Variants in HPCA observed in about 807,000 individuals in gnomAD.
The protein encoded by HPCA is neuron-specific calcium-binding protein hippocalcin.
In HPCA, 4 loss-of-function variants were observed where a neutral mutation model predicts 18.2. The ratio of observed to expected loss-of-function variants is 0.22; its 90% CI spans 0.11 to 0.50. The LOEUF (loss-of-function observed/expected upper bound fraction) is 0.50. HPCA is among the 20% of genes least tolerant of loss of function. HPCA has a pLI of 0.97. For synonymous variants in HPCA, 93 were observed against 103.5 expected, an observed-to-expected ratio of 0.90 and a Z score of 0.61; for missense variants, 161 against 265.8, an observed-to-expected ratio of 0.61 and a Z score of 2.74.
chr1:32,890,002 C>G (rs1234931088), intron 2 of HPCA, among the ~76,000 whole-genome samples: 1 of 152,244 alleles, frequency 6.6e-6, no homozygotes, highest in Non-Finnish European at 1.5e-5. Flanking sequence ...TACATTCCAT[C>G]TGGATACCCA....
At chr1:32,892,957 T>A (rs991258748) in intron 2 of HPCA, among the ~76,000 whole-genome samples, 18 of 152,110 alleles carry the variant, frequency 1.2e-4, no homozygotes, top group Non-Finnish European at 1.0e-4. Context: ...CCGCTGCAGA[T>A]GCTCATTTGC....
At position 32,887,791 on chromosome 1, in the gene HPCA, CAT is replaced by C. The variant is rs561582337; in HGVS notation, c.-21-1086_-21-1085del. Among the ~76,000 whole-genome samples the C allele has an allele frequency of 1.6e-4, 25 of 152,236 alleles. No homozygotes were observed. The South Asian group carries it at 4.8e-3, about 29-fold the overall frequency. On this transcript the variant is annotated intron_variant, in intron 1 of 3. Coordinates refer to ENST00000373467, the MANE Select transcript of HPCA (RefSeq NM_002143.3). The stretch of plus-strand genomic sequence containing the variant: ...TTGGCGTGTGATGGCATGTGTGAGA[CAT>C]GTGGGGTCGTGGGCTGGTGTGTCTT...
Position 32,893,710 on chromosome 1 carries a change from C to T in HPCA, c.485-55C>T. ...TCCCTGCCTCCCTTTCCCGCTCCGC[C>T]TCCCCTCGCTAGGCTGCCGCCTCCT... On this transcript the variant is annotated intron_variant, in intron 3 of 3. Coordinates refer to ENST00000373467, the MANE Select transcript of HPCA (RefSeq NM_002143.3). This position sits in a 1 kb window ranked among gnomAD's most constrained non-coding sequence, Gnocchi z 7.5. 1 of 1,507,134 alleles carries T rather than the reference C, an allele frequency of 6.6e-7. No individual in the cohort carries two copies. Among genetic ancestry groups the T allele is most frequent in the Non-Finnish European group, 9.1e-7 (1 of 1,097,658 alleles). 93.4% of individuals were successfully genotyped at this position (1,507,134 alleles called of 1,614,324 possible).
At chr1:32,892,186 G>T (rs1451166836) in intron 2 of HPCA, among the ~76,000 whole-genome samples, 1 of 152,196 alleles carries the variant, frequency 6.6e-6, no homozygotes, top group Non-Finnish European at 1.5e-5. Flanking sequence ...AGGAGGGTCA[G>T]CAGTGGACAG....
chr1:32,893,911 C>G lies in HPCA; in HGVS notation c.*49C>G. On this transcript the variant is annotated 3_prime_UTR_variant, in exon 4 of 4. Transcript: ENST00000373467. This position sits in a 1 kb window ranked among gnomAD's most constrained non-coding sequence, Gnocchi z 7.5. ...CCTCCCTTCACCGGCCCCCTCCCGG[C>G]TCTTAGCTTCCACTCCCTTGTGTGT... is the stretch of plus-strand genomic sequence containing the variant. 7.8e-7 allele frequency: 1 copy of G among 1,286,876 alleles called. No individual in the cohort carries two copies. The allele number at this position is 1,286,876 out of a possible 1,614,324, so 79.7% of individuals were successfully genotyped here.
Position 32,893,781 on chromosome 1 carries a change from G to A in HPCA, c.501G>A (p.Glu167=), listed in dbSNP as rs778205552. The A allele has an allele frequency of 2.5e-6, 4 of 1,578,950 alleles. No homozygotes were observed. The African/African-American group carries it at 4.1e-5, about 16-fold the overall frequency. ...DTNNDGKLSL[E]EFIRGAKSDP... Reference sequence around the variant, plus strand: ...GCCCTGCAGGCAAGCTGTCCTTGGAGGAGTTCATCCGCGGGGCCAAAAGCG... The same window carrying A: ...GCCCTGCAGGCAAGCTGTCCTTGGAAGAGTTCATCCGCGGGGCCAAAAGCG... The change falls in exon 4 of 4, where the codon GAG becomes GAA. Residue 167 remains glutamate, a synonymous_variant. Coordinates refer to ENST00000373467, the MANE Select transcript of HPCA (RefSeq NM_002143.3). This position sits in a 1 kb window ranked among gnomAD's most constrained non-coding sequence, Gnocchi z 7.5.
Position 32,893,507 on chromosome 1 carries a change from TC to T in HPCA, c.379-13del. ...GGGCAGGCTCCTCTCACTCCCCGCCTCCCCTCCCGCCCCCAGGCCATTTACA... is the reference window on the plus strand; with the variant it reads ...GGGCAGGCTCCTCTCACTCCCCGCCTCCCTCCCGCCCCCAGGCCATTTACA... On this transcript the variant is annotated splice_polypyrimidine_tract_variant and intron_variant, in intron 2 of 3. Coordinates refer to ENST00000373467, the MANE Select transcript of HPCA (RefSeq NM_002143.3). The surrounding 1 kb of genome is among the most constrained non-coding windows in gnomAD (Gnocchi z 7.5). 6.4e-7 allele frequency: 1 copy of T among 1,554,812 alleles called. No individual in the cohort carries two copies. Among genetic ancestry groups the T allele is most frequent in the Non-Finnish European group, 8.9e-7 (1 of 1,128,040 alleles).
chr1:32,894,303 C>A lies in HPCA; in HGVS notation c.*441C>A. ...GCTTCCTTGAGCCACCCTTCCCACC[C>A]CAGCCCTTGCTGGTCCCTAGGCCAA... is the stretch of plus-strand genomic sequence containing the variant. On this transcript the variant is annotated 3_prime_UTR_variant, in exon 4 of 4. Transcript: ENST00000373467. The A allele has an allele frequency of 5.3e-6, 1 of 189,636 alleles. No homozygotes were observed. 11.7% of individuals were successfully genotyped at this position (189,636 alleles called of 1,614,324 possible).
In HPCA at chr1:32,889,185, G is replaced by A. The variant is rs746174926; in HGVS notation, c.287G>A (p.Arg96His). 10 of 1,614,114 alleles carry A rather than the reference G, an allele frequency of 6.2e-6. No homozygotes were observed. The highest frequency in any genetic ancestry group is 7.6e-6 in the Non-Finnish European group (9 of 1,180,044). Reference protein sequence around the residue: ...IIALSVTSRGRLEQKLMWAFS... With the variant: ...IIALSVTSRGHLEQKLMWAFS... ...GCGCTGAGCGTGACCTCGCGCGGCCGCCTGGAGCAGAAGCTCATGTGGGCC... is the reference window on the plus strand; with the variant it reads ...GCGCTGAGCGTGACCTCGCGCGGCCACCTGGAGCAGAAGCTCATGTGGGCC... Residue 96 changes from arginine to histidine, a missense_variant, in exon 2 of 4, where the codon CGC becomes CAC. Coordinates refer to ENST00000373467, the MANE Select transcript of HPCA (RefSeq NM_002143.3). This position sits in a 1 kb window ranked among gnomAD's most constrained non-coding sequence, Gnocchi z 4.6.
Position 32,893,901 on chromosome 1 carries a change from C to G in HPCA, c.*39C>G, listed in dbSNP as rs1017179293. On this transcript the variant is annotated 3_prime_UTR_variant, in exon 4 of 4. Coordinates refer to ENST00000373467, the MANE Select transcript of HPCA (RefSeq NM_002143.3). The surrounding 1 kb of genome is among the most constrained non-coding windows in gnomAD (Gnocchi z 7.5). ...CCCCTTCCTCCCTCCCTTCACCGGCCCCCTCCCGGCTCTTAGCTTCCACTC... is the reference window on the plus strand; with the variant it reads ...CCCCTTCCTCCCTCCCTTCACCGGCGCCCTCCCGGCTCTTAGCTTCCACTC... The G allele has an allele frequency of 1.5e-6, 2 of 1,375,442 alleles. No individual in the cohort carries two copies. The highest frequency in any genetic ancestry group is 2.0e-6 in the Non-Finnish European group (2 of 989,196). 85.2% of individuals were successfully genotyped at this position (1,375,442 alleles called of 1,614,324 possible).
intron 1 of HPCA, among the ~76,000 whole-genome samples, chr1:32,888,311 T>C (rs1273268613): frequency 6.6e-6 from 1 of 152,194 alleles, no homozygotes; most frequent in Non-Finnish European, 1.5e-5. Context: ...TGCTGCCTCT[T>C]GTTGGGCACA....
rs77919866 is a variant in HPCA, at chr1:32,894,209, G to C, written c.*347G>C. On this transcript the variant is annotated 3_prime_UTR_variant, in exon 4 of 4. Transcript: ENST00000373467. ...CAGCTTGCGGGGTGGGGGGAGTCAT[G>C]CCCAGGGGAGGAGACTTTTTATCTG... 2.0e-3 allele frequency: 595 copies of C among 291,728 alleles called. 5 individuals carry two copies. The highest frequency in any genetic ancestry group is 0.012 in the African/African-American group (561 of 46,600). 18.1% of individuals were successfully genotyped at this position (291,728 alleles called of 1,614,324 possible). A position where few individuals can be genotyped will look rare whatever the true frequency, so the allele number is the denominator to read the frequency against.
intron 1 of HPCA, among the ~76,000 whole-genome samples, chr1:32,887,891 C>T (rs1012595987): frequency 2.0e-4 from 30 of 151,902 alleles, no homozygotes; most frequent in African/African-American, 6.3e-4. Flanking sequence ...GAGGGAATGT[C>T]GTCATGTGTG....
chr1:32,887,789 G>C (rs1219494913), intron 1 of HPCA, among the ~76,000 whole-genome samples: 1 of 152,204 alleles, frequency 6.6e-6, no homozygotes, highest in Non-Finnish European at 1.5e-5. Context: ...GCATGTGTGA[G>C]ACATGTGGGG....
In HPCA at chr1:32,893,649, C is replaced by A; in HGVS notation, c.484+20C>A. On this transcript the variant is annotated intron_variant, in intron 3 of 3. Coordinates refer to ENST00000373467, the MANE Select transcript of HPCA (RefSeq NM_002143.3). This position sits in a 1 kb window ranked among gnomAD's most constrained non-coding sequence, Gnocchi z 7.5. ...ACGACGGTGAGGGGCAGGGGCGGGA[C>A]GGGGTGGACGGGGCGGGCGCCTTTC... The A allele has an allele frequency of 1.2e-6, 1 of 861,206 alleles. No homozygotes were observed. Among genetic ancestry groups the A allele is most frequent in the Non-Finnish European group, 2.0e-6 (1 of 493,828 alleles). 53.3% of individuals were successfully genotyped at this position (861,206 alleles called of 1,614,324 possible).
rs1174243546 is a variant in HPCA at position 32,893,038 on chromosome 1, C to G, written c.379-486C>G. Among the ~76,000 whole-genome samples, 1 of 151,970 alleles carries G rather than the reference C, an allele frequency of 6.6e-6. No individual in the cohort carries two copies. Among genetic ancestry groups the G allele is most frequent in the East Asian group, 1.9e-4 (1 of 5,150 alleles). On this transcript the variant is annotated intron_variant, in intron 2 of 3. Transcript: ENST00000373467. The surrounding 1 kb of genome is among the most constrained non-coding windows in gnomAD (Gnocchi z 7.5). ...TGGCCCTCCAGCCCGCGCCGCGCCC[C>G]CTGCCGGCAGCAGACGGCCCCGCAG... is the stretch of plus-strand genomic sequence containing the variant.
rs1399717698 is a variant in HPCA, at chr1:32,893,215, C to A, written c.379-309C>A. Among the ~76,000 whole-genome samples the A allele has an allele frequency of 6.6e-6, 1 of 152,074 alleles. No individual in the cohort carries two copies. Among genetic ancestry groups the A allele is most frequent in the East Asian group, 1.9e-4 (1 of 5,158 alleles). On this transcript the variant is annotated intron_variant, in intron 2 of 3. Transcript: ENST00000373467. This position sits in a 1 kb window ranked among gnomAD's most constrained non-coding sequence, Gnocchi z 7.5. ...CGCTCCAGGCCCTCCACTGTCGGGC[C>A]CCGGTGTCCTCCAACATCTCTCCTG...
In HPCA at chr1:32,893,673, T is replaced by TAC; in HGVS notation, c.484+44_484+45insAC. On this transcript the variant is annotated intron_variant, in intron 3 of 3. Transcript: ENST00000373467. The surrounding 1 kb of genome is among the most constrained non-coding windows in gnomAD (Gnocchi z 7.5). ...ACGGGGTGGACGGGGCGGGCGCCTTTCCCTCCCTCCCTCCCTGCCTCCCTT... is the reference window on the plus strand; with the variant it reads ...ACGGGGTGGACGGGGCGGGCGCCTTTACCCCTCCCTCCCTCCCTGCCTCCCTT... 2 of 1,314,128 alleles carry TAC rather than the reference T, an allele frequency of 1.5e-6. No homozygotes were observed. The highest frequency in any genetic ancestry group is 2.2e-6 in the Non-Finnish European group (2 of 926,074). 81.4% of individuals were successfully genotyped at this position (1,314,128 alleles called of 1,614,324 possible).
Position 32,889,179 on chromosome 1 carries a change from G to A in HPCA, c.281G>A (p.Arg94His), listed in dbSNP as rs749485354. 5 of 1,614,236 alleles carry A rather than the reference G, an allele frequency of 3.1e-6. No individual in the cohort carries two copies. The highest frequency in any genetic ancestry group is 3.3e-5 in the Admixed American group (2 of 60,024). ...ATCATTGCGCTGAGCGTGACCTCGC[G>A]CGGCCGCCTGGAGCAGAAGCTCATG... Reference protein sequence around the residue: ...EFIIALSVTSRGRLEQKLMWA... With the variant: ...EFIIALSVTSHGRLEQKLMWA... Residue 94 changes from arginine (R) to histidine (H), a missense_variant, in exon 2 of 4, where the codon CGC becomes CAC. Transcript: ENST00000373467. The surrounding 1 kb of genome is among the most constrained non-coding windows in gnomAD (Gnocchi z 4.6).
Sources: gnomAD v4.1 joint callset for allele counts (sites outside exome capture counted in the v4.1 genomes callset) on GRCh38, gnomAD v4.1.1 for gene constraint, Gnocchi (gnomAD v3.1) non-coding constraint, MANE v1.5 for transcripts, NCBI Gene and HGNC (gene_info 2026-07-23, HGNC 2026-07-21) for gene names.